The following MAP2K5 variants were observed in gnomAD, a reference collection of about 807,000 sequenced individuals.
MAP2K5 encodes mitogen-activated protein kinase kinase 5.
Under a neutral mutation model 83.1 loss-of-function variants are expected in MAP2K5, and 49 were observed. The observed-to-expected ratio is 0.59, with a 90% confidence interval of 0.47 to 0.75. The LOEUF (loss-of-function observed/expected upper bound fraction) is 0.75, where lower values mean the gene tolerates loss of function less well. Among genes scored for constraint, MAP2K5 ranks in the 30% least tolerant of loss-of-function variants. The pLI, the probability that MAP2K5 is intolerant of heterozygous loss-of-function variation, is 0.00. For missense variants in MAP2K5, 457 were observed against 557.5 expected, an observed-to-expected ratio of 0.82 and a Z score of 1.82; for synonymous variants, 202 against 191.8, an observed-to-expected ratio of 1.05 and a Z score of -0.44.
rs1313654744 is a variant in MAP2K5 at position 67,561,631 on chromosome 15, C to T, written c.185-1652C>T. On this transcript the variant is annotated intron_variant, in intron 2 of 21. Transcript: ENST00000178640. This position sits in a 1 kb window ranked among gnomAD's most constrained non-coding sequence, Gnocchi z 4.2. Reference sequence around the variant, plus strand: ...GCAGCAGTGAACCAGGATCCAGAAACAAGTGCTTGGAAAGAAAACAAGTGC... The same window carrying T: ...GCAGCAGTGAACCAGGATCCAGAAATAAGTGCTTGGAAAGAAAACAAGTGC... Among the ~76,000 whole-genome samples the T allele has an allele frequency of 6.6e-6, 1 of 152,148 alleles. No individual in the cohort carries two copies. The highest frequency in any genetic ancestry group is 1.5e-5 in the Non-Finnish European group (1 of 68,016).
In MAP2K5 at chr15:67,615,636, C is replaced by T. The variant is rs1006956994; in HGVS notation, c.545+14887C>T. On this transcript the variant is annotated intron_variant, in intron 8 of 21. Transcript: ENST00000178640. ...TTAATAAAATCTACCTTCAAATAAA[C>T]CTAAAAAGACCAAGAAATTAGAGGA... is the stretch of plus-strand genomic sequence containing the variant. Among the ~76,000 whole-genome samples, 6 of 151,788 alleles carry T rather than the reference C, an allele frequency of 4.0e-5. No individual in the cohort carries two copies. In the East Asian group the frequency reaches 1.2e-3, roughly 29 times the overall value.
chr15:67,732,006 G>A (rs970054379), intron 17 of MAP2K5, among the ~76,000 whole-genome samples: 1 of 152,168 alleles, frequency 6.6e-6, no homozygotes, highest in Non-Finnish European at 1.5e-5. Flanking sequence ...GATCCAGAGG[G>A]ACCCAGAGCC....
intron 2 of MAP2K5, among the ~76,000 whole-genome samples, chr15:67,553,435 A>G (rs1297698714): frequency 6.6e-6 from 1 of 152,230 alleles, no homozygotes; most frequent in Non-Finnish European, 1.5e-5. Flanking sequence ...TTTTAAATGA[A>G]AAACAATAAA....
intron 12 of MAP2K5, among the ~76,000 whole-genome samples, chr15:67,662,847 T>A (rs1036157221): frequency 2.0e-5 from 3 of 152,178 alleles, no homozygotes; most frequent in Non-Finnish European, 4.4e-5. Flanking sequence ...CCTTGCCTTG[T>A]CAACATATAT....
chr15:67,644,213 G>A lies in MAP2K5; in HGVS notation c.586-2018G>A, dbSNP rs1174888459. 1.3e-5 allele frequency among the ~76,000 whole-genome samples: 2 copies of A among 152,144 alleles called. No individual in the cohort carries two copies. The highest frequency in any genetic ancestry group is 4.8e-5 in the African/African-American group (2 of 41,428). ...ATTCGAGACCAGCCTGGCCAACATG[G>A]TGAAACCCTGTCTGCGCTAAAAATA... On this transcript the variant is annotated intron_variant, in intron 9 of 21. Transcript: ENST00000178640. The surrounding 1 kb of genome is among the most constrained non-coding windows in gnomAD (Gnocchi z 4.6).
intron 16 of MAP2K5, among the ~76,000 whole-genome samples, chr15:67,705,629 G>A (rs1484440581): frequency 1.3e-5 from 2 of 152,024 alleles, no homozygotes; most frequent in Admixed American, 1.3e-4. Context: ...CCAGCTACTC[G>A]GGAGGCTGAG....
chr15:67,669,251 C>T (rs2087465546), intron 13 of MAP2K5, among the ~76,000 whole-genome samples: 1 of 152,210 alleles, frequency 6.6e-6, no homozygotes, highest in African/African-American at 2.4e-5. Flanking sequence ...GGTTAGGAAA[C>T]ATTTCTTAAA....
At chr15:67,625,998 CT>C (rs1443778489) in intron 8 of MAP2K5, among the ~76,000 whole-genome samples, 1 of 152,110 alleles carries the variant, frequency 6.6e-6, no homozygotes, top group Admixed American at 6.5e-5. Context: ...CCAGGTGTTG[CT>C]TATTCGAAGT....
intron 21 of MAP2K5, among the ~76,000 whole-genome samples, chr15:67,795,908 A>G (rs1334644974): frequency 2.0e-5 from 3 of 152,182 alleles, no homozygotes. Context: ...GTTAAGTTGC[A>G]TATGTCAAAA....
chr15:67,666,364 G>T (rs546806746), intron 13 of MAP2K5, among the ~76,000 whole-genome samples: 2 of 152,246 alleles, frequency 1.3e-5, no homozygotes, highest in South Asian at 4.1e-4. Context: ...TTGTATTCCT[G>T]TATCTAAATT....
chr15:67,697,143 A>G (rs1186517479), intron 15 of MAP2K5, among the ~76,000 whole-genome samples: 2 of 152,192 alleles, frequency 1.3e-5, no homozygotes, highest in Non-Finnish European at 2.9e-5. Context: ...GGAAGAGGAC[A>G]AATAAAAAAT....
chr15:67,756,308 A>G (rs1388975004), intron 19 of MAP2K5, among the ~76,000 whole-genome samples: 2 of 152,240 alleles, frequency 1.3e-5, no homozygotes, highest in Non-Finnish European at 2.9e-5. Context: ...GAAGAAAGAA[A>G]TAAGAGACAA....
chr15:67,595,331 G>A (rs950487210), intron 7 of MAP2K5, among the ~76,000 whole-genome samples: 2 of 152,152 alleles, frequency 1.3e-5, no homozygotes, highest in Non-Finnish European at 2.9e-5. Context: ...TGTGTTTTCC[G>A]ATTAGTCTCT....
At chr15:67,787,379 A>G (rs1309939064) in intron 21 of MAP2K5, among the ~76,000 whole-genome samples, 1 of 152,232 alleles carries the variant, frequency 6.6e-6, no homozygotes, top group Non-Finnish European at 1.5e-5. Context: ...AATCATTAGT[A>G]TGCTAATCTA....
intron 4 of MAP2K5, among the ~76,000 whole-genome samples, chr15:67,585,076 C>A (rs1332252097): frequency 1.8e-3 from 219 of 122,094 alleles, no homozygotes; most frequent in Non-Finnish European, 2.2e-3. Context: ...GAGAGAGGAG[C>A]AAAAAAAAAA....
At chr15:67,701,059 G>C (rs1186962581) in intron 15 of MAP2K5, among the ~76,000 whole-genome samples, 2 of 151,888 alleles carry the variant, frequency 1.3e-5, no homozygotes, top group Non-Finnish European at 2.9e-5. Context: ...TTTTGTATGT[G>C]GGTTCCACTT....
At chr15:67,575,916 CTT>C (rs71142381) in intron 3 of MAP2K5, among the ~76,000 whole-genome samples, 32 of 135,746 alleles carry the variant, frequency 2.4e-4, no homozygotes, top group East Asian at 6.6e-4. Context: ...TTCTTTCTTT[CTT>C]TTTTTTTTTT....
At chr15:67,618,535 TA>T (rs2141060320) in intron 8 of MAP2K5, among the ~76,000 whole-genome samples, 1 of 152,328 alleles carries the variant, frequency 6.6e-6, no homozygotes, top group African/African-American at 2.4e-5. Context: ...CATATCTGAT[TA>T]CCAGTTGGAT....
chr15:67,789,598 C>T (rs780365774), intron 21 of MAP2K5, among the ~76,000 whole-genome samples: 6 of 151,934 alleles, frequency 3.9e-5, no homozygotes, highest in African/African-American at 9.7e-5. Flanking sequence ...CCTGTAATTC[C>T]AGCTACTCTG....
Sources: gnomAD v4.1 joint callset for allele counts (sites outside exome capture counted in the v4.1 genomes callset) on GRCh38, gnomAD v4.1.1 for gene constraint, Gnocchi (gnomAD v3.1) non-coding constraint, MANE v1.5 for transcripts, NCBI Gene and HGNC (gene_info 2026-07-23, HGNC 2026-07-21) for gene names.